ARB2A: variants seen among roughly 807,000 people sequenced by gnomAD.
ARB2A encodes the protein ARB2 cotranscriptional regulator A.
chr5:93,819,643 C>G, the ARB2A span, among the ~76,000 whole-genome samples: 1 of 152,146 alleles, frequency 6.6e-6, no homozygotes, highest in African/African-American at 2.4e-5. Context: ...TCCTCATGGA[C>G]AAAATATAAA....
At chr5:94,045,598 C>CA in the ARB2A span, among the ~76,000 whole-genome samples, 35 of 152,088 alleles carry the variant, frequency 2.3e-4, no homozygotes, top group Admixed American at 1.5e-3. Flanking sequence ...AGAAAATACA[C>CA]AAAATTAGGA....
chr5:93,741,155 T>G, the ARB2A span: 1 of 1,613,802 alleles, frequency 6.2e-7, no homozygotes, highest in South Asian at 1.1e-5. Context: ...AGGCTCAACC[T>G]CTTCTGCCTC....
the ARB2A span, among the ~76,000 whole-genome samples, chr5:94,013,104 G>A: frequency 6.6e-6 from 1 of 151,676 alleles, no homozygotes; most frequent in East Asian, 1.9e-4. Context: ...AAGTCTAGTT[G>A]GTCATATTGG....
chr5:93,857,772 C>A, the ARB2A span, among the ~76,000 whole-genome samples: 1 of 152,190 alleles, frequency 6.6e-6, no homozygotes, highest in African/African-American at 2.4e-5. Flanking sequence ...CTTCAGTTCA[C>A]GCATGGTGCG....
chr5:93,832,477 G>A, the ARB2A span, among the ~76,000 whole-genome samples: 1 of 152,138 alleles, frequency 6.6e-6, no homozygotes, highest in East Asian at 1.9e-4. Context: ...ATTGTCTAGT[G>A]ACCATCCACT....
chr5:93,665,064 T>C, the ARB2A span, among the ~76,000 whole-genome samples: 2 of 152,162 alleles, frequency 1.3e-5, no homozygotes, highest in East Asian at 1.9e-4. Context: ...TGGGCTCAAG[T>C]AACCTGCCTG....
chr5:93,984,625 T>C, the ARB2A span, among the ~76,000 whole-genome samples: 1 of 152,196 alleles, frequency 6.6e-6, no homozygotes, highest in Non-Finnish European at 1.5e-5. Flanking sequence ...ACTGAAGTTT[T>C]TACTGACTTT....
chr5:93,635,459 G>GT, the ARB2A span, among the ~76,000 whole-genome samples: 3,427 of 128,916 alleles, frequency 0.027, 136 homozygotes, highest in Admixed American at 0.084. Context: ...TTATACGAAA[G>GT]TTTTTTTTTT....
the ARB2A span, among the ~76,000 whole-genome samples, chr5:94,067,791 T>C: frequency 2.6e-5 from 4 of 152,048 alleles, no homozygotes; most frequent in African/African-American, 7.2e-5. Context: ...ACCAATGACA[T>C]TCCTCACAGA....
At chr5:93,760,833 C>T in the ARB2A span, among the ~76,000 whole-genome samples, 40,765 of 151,848 alleles carry the variant, frequency 0.27, 6,819 homozygotes, top group African/African-American at 0.47. Flanking sequence ...CTTCTAGACA[C>T]TGACTTAGAC....
At chr5:93,679,888 A>C in the ARB2A span, among the ~76,000 whole-genome samples, 1 of 152,216 alleles carries the variant, frequency 6.6e-6, no homozygotes, top group East Asian at 1.9e-4. Context: ...TAAGAATCTA[A>C]CCTTTTGCAT....
At chr5:93,897,474 AAAG>A in the ARB2A span, among the ~76,000 whole-genome samples, 9 of 152,080 alleles carry the variant, frequency 5.9e-5, no homozygotes, top group South Asian at 1.9e-3. Context: ...TCCCTGTTAA[AAAG>A]AATAATTGAT....
chr5:93,770,044 T>G, the ARB2A span, among the ~76,000 whole-genome samples: 2 of 152,160 alleles, frequency 1.3e-5, no homozygotes, highest in South Asian at 4.1e-4. Flanking sequence ...AATCAGTTAG[T>G]AGGGGAGCAA....
At chr5:93,954,000 C>G in the ARB2A span, among the ~76,000 whole-genome samples, 1 of 152,104 alleles carries the variant, frequency 6.6e-6, no homozygotes, top group Non-Finnish European at 1.5e-5. Context: ...GCTACCAGTC[C>G]TAGGACTCTC....
At chr5:93,989,551 C>G in the ARB2A span, among the ~76,000 whole-genome samples, 1 of 152,122 alleles carries the variant, frequency 6.6e-6, no homozygotes, top group African/African-American at 2.4e-5. Context: ...AACAGCACCA[C>G]TTATATACTA....
At chr5:94,105,121 A>G in the ARB2A span, among the ~76,000 whole-genome samples, 1 of 152,108 alleles carries the variant, frequency 6.6e-6, no homozygotes, top group Non-Finnish European at 1.5e-5. Flanking sequence ...ACTATTCAAC[A>G]TAGTACTGGA....
At chr5:93,811,318 A>C in the ARB2A span, among the ~76,000 whole-genome samples, 67 of 152,264 alleles carry the variant, frequency 4.4e-4, no homozygotes, top group Non-Finnish European at 8.4e-4. Flanking sequence ...ACATATTCAA[A>C]ATTTAAATAT....
the ARB2A span, among the ~76,000 whole-genome samples, chr5:93,712,841 C>T: frequency 5.3e-5 from 8 of 152,114 alleles, no homozygotes; most frequent in Non-Finnish European, 1.0e-4. Flanking sequence ...CAACATGGTA[C>T]TGGCATAAAA....
the ARB2A span, among the ~76,000 whole-genome samples, chr5:93,625,733 T>C: frequency 6.6e-6 from 1 of 152,200 alleles, no homozygotes; most frequent in Non-Finnish European, 1.5e-5. Flanking sequence ...AAATGTGTCA[T>C]TTGTTTTCCC....
Sources: allele counts gnomAD v4.1 joint callset (sites outside exome capture counted in the v4.1 genomes callset), GRCh38; gene constraint gnomAD v4.1.1; transcripts MANE v1.5; gene names NCBI Gene and HGNC (gene_info 2026-07-23, HGNC 2026-07-21).